Variants in RANBP9 observed in about 807,000 individuals in gnomAD.
RANBP9 encodes the protein ran-binding protein 9.
In RANBP9, 15 loss-of-function variants were observed where a neutral mutation model predicts 84.3. That is an observed-to-expected ratio of 0.18 (90% CI 0.12 to 0.27). The LOEUF is 0.27. RANBP9 is among the 10% of genes least tolerant of loss of function. The probability of loss-of-function intolerance (pLI) is 1.00; values close to 1 mark genes in which losing one functional copy is unlikely to be tolerated. For synonymous variants in RANBP9, 392 were observed against 349.6 expected (o/e 1.12, Z -1.35); for missense variants, 809 against 912.8 (o/e 0.89, Z 1.46).
chr6:13,659,257 T>TACACACACACACACACACATAC (rs1765485048), intron 2 of RANBP9, among the ~76,000 whole-genome samples: 6 of 130,668 alleles, frequency 4.6e-5, no homozygotes, highest in Middle Eastern at 7.8e-3. Context: ...CACACACACA[T>TACACACACACACACACACATAC]ACACACACAC....
At chr6:13,700,091 G>A (rs140176620) in intron 1 of RANBP9, among the ~76,000 whole-genome samples, 69 of 152,244 alleles carry the variant, frequency 4.5e-4, no homozygotes, top group African/African-American at 1.6e-3. Context: ...TTTCTATGTG[G>A]CTTTAGAAGA....
At chr6:13,667,232 T>C (rs1264286953) in intron 2 of RANBP9, among the ~76,000 whole-genome samples, 1 of 152,196 alleles carries the variant, frequency 6.6e-6, no homozygotes, top group African/African-American at 2.4e-5. Flanking sequence ...GTTTAATTCC[T>C]ATTATTGATA....
At position 13,711,145 on chromosome 6, in the gene RANBP9, G is replaced by C; in HGVS notation, c.361C>G (p.Pro121Ala). ...GPGPAGGAPT[P>A]ALVAGSSAAA... ...GCGCTGCTGCCCGCCACCAGAGCTGGGGTCGGGGCTCCTCCAGCCGGGCCG... is the reference window on the plus strand; with the variant it reads ...GCGCTGCTGCCCGCCACCAGAGCTGCGGTCGGGGCTCCTCCAGCCGGGCCG... The change falls in exon 1 of 14, where the codon CCA becomes GCA. Residue 121 changes from proline (P) to alanine (A), a missense_variant. Transcript: ENST00000011619. 1 of 1,521,180 alleles carries C rather than the reference G, an allele frequency of 6.6e-7. No homozygotes were observed. Among genetic ancestry groups the C allele is most frequent in the Non-Finnish European group, 8.8e-7 (1 of 1,136,094 alleles). 94.2% of individuals were successfully genotyped at this position (1,521,180 alleles called of 1,614,324 possible). A position where few individuals can be genotyped will look rare whatever the true frequency, so the allele number is the denominator to read the frequency against.
chr6:13,686,250 G>A, intron 2 of RANBP9, among the ~76,000 whole-genome samples: 1 of 151,326 alleles, frequency 6.6e-6, no homozygotes, highest in East Asian at 2.0e-4. Flanking sequence ...GACCACAGGT[G>A]CATGCCACTA....
intron 13 of RANBP9, among the ~76,000 whole-genome samples, chr6:13,624,738 C>A (rs1178696376): frequency 6.6e-6 from 1 of 152,110 alleles, no homozygotes; most frequent in Non-Finnish European, 1.5e-5. Context: ...GCACTTGATG[C>A]TCACCCCTGG....
chr6:13,631,978 G>A (rs140152962), intron 12 of RANBP9, among the ~76,000 whole-genome samples: 5 of 152,246 alleles, frequency 3.3e-5, no homozygotes, highest in Admixed American at 3.3e-4. Context: ...TTACTAAAAT[G>A]AGATCTCAGA....
At chr6:13,626,221 G>GA (rs2127758549) in intron 12 of RANBP9, among the ~76,000 whole-genome samples, 1 of 152,298 alleles carries the variant, frequency 6.6e-6, no homozygotes, top group Admixed American at 6.5e-5. Context: ...ATTCAGTTAT[G>GA]AAAAAATTAA....
At chr6:13,628,376 A>C (rs1764683699) in intron 12 of RANBP9, among the ~76,000 whole-genome samples, 1 of 152,234 alleles carries the variant, frequency 6.6e-6, no homozygotes, top group Admixed American at 6.5e-5. Flanking sequence ...CTATTGACTT[A>C]ATACATGCAA....
chr6:13,652,641 T>C lies in RANBP9; in HGVS notation c.927+18A>G, dbSNP rs1356316396. 6.4e-7 allele frequency: 1 copy of C among 1,567,528 alleles called. No homozygotes were observed. Among genetic ancestry groups the C allele is most frequent in the Non-Finnish European group, 8.7e-7 (1 of 1,146,774 alleles). On this transcript the variant is annotated intron_variant, in intron 5 of 13. Coordinates refer to ENST00000011619, the MANE Select transcript of RANBP9 (RefSeq NM_005493.3). Reference sequence around the variant, plus strand: ...CCTGTAATTAAAAATGGAAAACTGCTTTTAAAAAAAGTCTTACCGGTAGGT... The same window carrying C: ...CCTGTAATTAAAAATGGAAAACTGCCTTTAAAAAAAGTCTTACCGGTAGGT...
intron 2 of RANBP9, among the ~76,000 whole-genome samples, chr6:13,676,809 A>C (rs1432017010): frequency 6.6e-6 from 1 of 152,120 alleles, no homozygotes; most frequent in Non-Finnish European, 1.5e-5. Context: ...GACAAAATCC[A>C]ACACCATTCT....
intron 3 of RANBP9, among the ~76,000 whole-genome samples, chr6:13,658,215 A>G (rs750642744): frequency 3.3e-5 from 5 of 152,176 alleles, no homozygotes; most frequent in Admixed American, 1.3e-4. Context: ...AGTAGCTGAT[A>G]TTACTATGTA....
At chr6:13,701,337 A>G (rs185454404) in intron 1 of RANBP9, among the ~76,000 whole-genome samples, 4 of 152,308 alleles carry the variant, frequency 2.6e-5, no homozygotes, top group African/African-American at 7.2e-5. Flanking sequence ...AGCACTCTCA[A>G]TGCTACCAAC....
At chr6:13,632,300 C>G in intron 12 of RANBP9, 70 bp downstream of exon 12, 1 of 1,496,020 alleles carries the variant, frequency 6.7e-7, no homozygotes, top group African/African-American at 1.4e-5. Context: ...GTACACTGCT[C>G]AGTGTTTCAC....
chr6:13,634,689 G>A (rs937143168), intron 10 of RANBP9, 137 bp from the exon 11 acceptor site: 1 of 896,826 alleles, frequency 1.1e-6, no homozygotes, highest in Non-Finnish European at 1.6e-6. Flanking sequence ...AAGGTATTTA[G>A]TTAAATCTTG....
chr6:13,705,360 T>G (rs1215831230), intron 1 of RANBP9, among the ~76,000 whole-genome samples: 1 of 120,724 alleles, frequency 8.3e-6, no homozygotes, highest in Non-Finnish European at 1.6e-5. Context: ...GCTGACAAAG[T>G]GCCACCACTG....
At chr6:13,632,967 A>G (rs1764834429) in intron 11 of RANBP9, among the ~76,000 whole-genome samples, 1 of 152,162 alleles carries the variant, frequency 6.6e-6, no homozygotes, top group Non-Finnish European at 1.5e-5. Context: ...AAAATACAGA[A>G]GACAGCATAT....
intron 2 of RANBP9, among the ~76,000 whole-genome samples, chr6:13,684,828 T>C (rs1208615362): frequency 6.6e-6 from 1 of 152,216 alleles, no homozygotes; most frequent in African/African-American, 2.4e-5. Flanking sequence ...CAGAGGAGCC[T>C]CATCTTGTTT....
At position 13,693,390 on chromosome 6, in the gene RANBP9, A is replaced by T. The variant is rs79562775; in HGVS notation, c.683+3395T>A. On this transcript the variant is annotated intron_variant, in intron 2 of 13. Coordinates refer to ENST00000011619, the MANE Select transcript of RANBP9 (RefSeq NM_005493.3). ...AACCTATTATAATGGCTAAAAATTT[A>T]AAAAAAAATGACAATACCTAGTGCT... is the stretch of plus-strand genomic sequence containing the variant. 4.2e-3 allele frequency among the ~76,000 whole-genome samples: 639 copies of T among 151,614 alleles called. 7 individuals carry two copies. In the East Asian group the frequency reaches 0.043, roughly 10 times the overall value.
At chr6:13,632,739 G>A in intron 11 of RANBP9, 1 of 462,622 alleles carries the variant, frequency 2.2e-6, no homozygotes, top group Non-Finnish European at 3.8e-6. Flanking sequence ...TATTCAGCAT[G>A]CAGTTGAGAG....
Sources: allele counts gnomAD v4.1 joint callset (sites outside exome capture counted in the v4.1 genomes callset), GRCh38; gene constraint gnomAD v4.1.1; transcripts MANE v1.5; gene names NCBI Gene and HGNC (gene_info 2026-07-23, HGNC 2026-07-21).